ARL8B: variants seen among roughly 807,000 people sequenced by gnomAD.
ARL8B encodes the protein ARF like GTPase 8B, also known as ADP-ribosylation factor-like protein 8B.
In ARL8B, 9 loss-of-function variants were observed where a neutral mutation model predicts 30.6. The observed-to-expected ratio is 0.29, with a 90% CI of 0.18 to 0.51. The LOEUF (loss-of-function observed/expected upper bound fraction) is 0.51. Ranked by LOEUF, ARL8B falls within the 20% of genes least tolerant of loss-of-function variation. ARL8B has a pLI of 0.97. For synonymous variants in ARL8B, 74 were observed against 76.0 expected, an observed-to-expected ratio of 0.97 and a Z score of 0.14; for missense variants, 130 against 227.2, an observed-to-expected ratio of 0.57 and a Z score of 2.75.
chr3:5,139,972 G>A (rs2054357850), intron 1 of ARL8B, among the ~76,000 whole-genome samples: 1 of 150,244 alleles, frequency 6.7e-6, no homozygotes, highest in Non-Finnish European at 1.5e-5. Context: ...CACTACACAA[G>A]ATGTGATTAG....
chr3:5,133,093 CAT>C (rs1358405689), intron 1 of ARL8B, among the ~76,000 whole-genome samples: 5 of 127,546 alleles, frequency 3.9e-5, no homozygotes, highest in African/African-American at 1.7e-4. Flanking sequence ...CTGCCGATAT[CAT>C]GTGGGGAAAA....
chr3:5,163,707 TA>T (rs1359751260), intron 1 of ARL8B, among the ~76,000 whole-genome samples: 1 of 152,096 alleles, frequency 6.6e-6, no homozygotes, highest in African/African-American at 2.4e-5. Flanking sequence ...CCGTCTCTAC[TA>T]AAAATACAAA....
At chr3:5,153,443 TC>T (rs760639421) in intron 1 of ARL8B, among the ~76,000 whole-genome samples, 5 of 152,156 alleles carry the variant, frequency 3.3e-5, no homozygotes, top group Non-Finnish European at 5.9e-5. Context: ...AGTGACTTGC[TC>T]CTGCTTGCCT....
chr3:5,125,689 T>C (rs1022703855), intron 1 of ARL8B, among the ~76,000 whole-genome samples: 2 of 152,064 alleles, frequency 1.3e-5, no homozygotes, highest in Non-Finnish European at 2.9e-5. Context: ...ACTGCCACCA[T>C]GCCCAGCTAA....
intron 6 of ARL8B, among the ~76,000 whole-genome samples, chr3:5,174,759 AAT>A (rs1456699377): frequency 1.4e-5 from 2 of 145,356 alleles, no homozygotes; most frequent in South Asian, 2.1e-4. Flanking sequence ...AATATATATA[AAT>A]ATATATTATA....
At chr3:5,146,199 A>C (rs1030069333) in intron 1 of ARL8B, among the ~76,000 whole-genome samples, 1 of 152,188 alleles carries the variant, frequency 6.6e-6, no homozygotes, top group Non-Finnish European at 1.5e-5. Flanking sequence ...CCCTGCTCCT[A>C]AGGTCTAGGG....
chr3:5,178,282 C>T (rs1454972412), intron 6 of ARL8B, among the ~76,000 whole-genome samples: 2 of 152,044 alleles, frequency 1.3e-5, no homozygotes, highest in East Asian at 3.8e-4. Context: ...CCCCCAAGCC[C>T]CGGGAATTAC....
chr3:5,177,043 C>T (rs890559976), intron 6 of ARL8B, among the ~76,000 whole-genome samples: 1 of 152,156 alleles, frequency 6.6e-6, no homozygotes, highest in African/African-American at 2.4e-5. Context: ...AATTTTTAGT[C>T]CATTGTGCTA....
At chr3:5,153,136 G>A (rs1373462023) in intron 1 of ARL8B, among the ~76,000 whole-genome samples, 10 of 152,112 alleles carry the variant, frequency 6.6e-5, no homozygotes, top group Admixed American at 5.9e-4. Flanking sequence ...ATCACTTAAT[G>A]TAGAATGTAG....
chr3:5,159,653 T>A (rs2054564481), intron 1 of ARL8B, among the ~76,000 whole-genome samples: 2 of 151,570 alleles, frequency 1.3e-5, no homozygotes, highest in Admixed American at 6.6e-5. Flanking sequence ...CTGAAGGATT[T>A]TTGTTACATA....
chr3:5,165,003 G>A (rs1365058764), intron 1 of ARL8B, among the ~76,000 whole-genome samples: 1 of 152,144 alleles, frequency 6.6e-6, no homozygotes, highest in Non-Finnish European at 1.5e-5. Flanking sequence ...ACTACATAGG[G>A]GATATTGTGT....
chr3:5,168,830 C>A (rs2106569738), intron 1 of ARL8B, among the ~76,000 whole-genome samples: 1 of 152,212 alleles, frequency 6.6e-6, no homozygotes, highest in Non-Finnish European at 1.5e-5. Context: ...AAGTTTGGTA[C>A]CTAAAAATTT....
At chr3:5,143,545 C>T (rs1046483187) in intron 1 of ARL8B, among the ~76,000 whole-genome samples, 1 of 152,196 alleles carries the variant, frequency 6.6e-6, no homozygotes, top group Non-Finnish European at 1.5e-5. Context: ...TGGTCTTGTT[C>T]CTTCCCTTCC....
At chr3:5,155,259 T>C (rs2054521694) in intron 1 of ARL8B, among the ~76,000 whole-genome samples, 1 of 152,236 alleles carries the variant, frequency 6.6e-6, no homozygotes, top group South Asian at 2.1e-4. Flanking sequence ...ATTCTGAAGT[T>C]TCTGATAAAT....
intron 2 of ARL8B, 118 bp downstream of exon 2, chr3:5,170,701 G>T: frequency 3.1e-6 from 2 of 636,692 alleles, no homozygotes; most frequent in South Asian, 2.2e-5. Flanking sequence ...GAATGTGCAT[G>T]TTTCAAAAGA....
chr3:5,155,701 G>C (rs901676773), intron 1 of ARL8B, among the ~76,000 whole-genome samples: 5 of 122,530 alleles, frequency 4.1e-5, no homozygotes, highest in East Asian at 2.5e-4. Context: ...ATCAGCCTTC[G>C]TGTTCCTCTA....
chr3:5,154,876 G>C (rs901392086), intron 1 of ARL8B, among the ~76,000 whole-genome samples: 2 of 144,128 alleles, frequency 1.4e-5, no homozygotes, highest in African/African-American at 5.5e-5. Flanking sequence ...ATGCCCGGTG[G>C]ATTTTTGTGG....
intron 1 of ARL8B, among the ~76,000 whole-genome samples, chr3:5,140,782 G>A (rs1395848427): frequency 6.6e-6 from 1 of 152,120 alleles, no homozygotes. Context: ...ACCATGACGG[G>A]TTACTACCAA....
intron 1 of ARL8B, among the ~76,000 whole-genome samples, chr3:5,141,364 A>G (rs1006025810): frequency 2.6e-5 from 4 of 152,290 alleles, no homozygotes; most frequent in East Asian, 1.9e-4. Context: ...TTTAGAAGTC[A>G]TTTACTTTCT....
Sources: allele counts gnomAD v4.1 joint callset (sites outside exome capture counted in the v4.1 genomes callset), GRCh38; gene constraint gnomAD v4.1.1; transcripts MANE v1.5; gene names NCBI Gene and HGNC (gene_info 2026-07-23, HGNC 2026-07-21).